The following DOC2A variants were observed in gnomAD, a reference collection of about 807,000 sequenced individuals.
DOC2A encodes the protein double C2-like domain-containing protein alpha.
In DOC2A, 28 loss-of-function variants were observed where a neutral mutation model predicts 40.6. The ratio of observed to expected loss-of-function variants is 0.69; its 90% CI spans 0.51 to 0.95. The LOEUF is 0.95. Ranked by LOEUF, DOC2A falls within the 40% of genes least tolerant of loss-of-function variation. The pLI is 0.00. For synonymous variants in DOC2A, 241 were observed against 236.9 expected, an observed-to-expected ratio of 1.02 and a Z score of -0.16; for missense variants, 474 against 552.5, an observed-to-expected ratio of 0.86 and a Z score of 1.42.
rs200195038 is a variant in DOC2A at position 30,006,869 on chromosome 16, C to T, written c.794G>A (p.Arg265His). The change falls in exon 8 of 11, where the codon CGC (arginine) becomes CAC (histidine). Residue 265 changes from arginine (R) to histidine (H), a missense_variant. Physicochemically the swap from Arg to His is conservative, Grantham distance 29. Coordinates refer to ENST00000350119, the MANE Select transcript of DOC2A (RefSeq NM_003586.3). The surrounding 1 kb of genome is among the most constrained non-coding windows in gnomAD (Gnocchi z 6.2). Reference protein sequence around the residue: ...ILLSLSYSSRRRGLLVGILRC... With the variant: ...ILLSLSYSSRHRGLLVGILRC... The stretch of plus-strand genomic sequence containing the variant: ...CAAGATGCCTACCAGCAGTCCCCGG[C>T]GCCGCGAGCTGTAGCTGAGACTCAG... 8.5e-5 allele frequency: 137 copies of T among 1,613,526 alleles called. No homozygotes were observed. Among genetic ancestry groups the T allele is most frequent in the African/African-American group, 7.7e-4 (58 of 75,028 alleles).
chr16:30,007,660 C>G (rs143534703), intron 5 of DOC2A: 7 of 380,676 alleles, frequency 1.8e-5, no homozygotes, highest in Non-Finnish European at 3.0e-5. Context: ...GGCAGCCAGA[C>G]CAGTACCCCA....
Position 30,009,930 on chromosome 16 carries a change from G to T in DOC2A, c.262+31C>A, listed in dbSNP as rs779805676. The T allele has an allele frequency of 6.9e-6, 11 of 1,605,348 alleles. No homozygotes were observed. The East Asian group carries it at 2.0e-4, about 29-fold the overall frequency. ...ACGGCAAGCCTGGAGACCCCCACCA[G>T]CACATGGGGCCTCCAAGCCCCCAGA... On this transcript the variant is annotated intron_variant, in intron 2 of 10. Coordinates refer to ENST00000350119, the MANE Select transcript of DOC2A (RefSeq NM_003586.3). This position sits in a 1 kb window ranked among gnomAD's most constrained non-coding sequence, Gnocchi z 4.1.
rs1197299367 is a variant in DOC2A at position 30,009,871 on chromosome 16, C to T, written c.262+90G>A. Reference sequence around the variant, plus strand: ...TGCCCTCCTCCCCTACCTACATGCACAGCCAGCAGGGCCCATCCCCCTCTC... The same window carrying T: ...TGCCCTCCTCCCCTACCTACATGCATAGCCAGCAGGGCCCATCCCCCTCTC... On this transcript the variant is annotated intron_variant, in intron 2 of 10. Coordinates refer to ENST00000350119, the MANE Select transcript of DOC2A (RefSeq NM_003586.3). This position sits in a 1 kb window ranked among gnomAD's most constrained non-coding sequence, Gnocchi z 4.1. The T allele has an allele frequency of 1.3e-6, 2 of 1,503,314 alleles. No homozygotes were observed. Among genetic ancestry groups the T allele is most frequent in the Non-Finnish European group, 9.2e-7 (1 of 1,089,762 alleles). The allele number at this position is 1,503,314 out of a possible 1,614,324, so 93.1% of individuals were successfully genotyped here.
At chr16:30,019,313 A>G (rs1596716308) in intron 1 of DOC2A, among the ~76,000 whole-genome samples, 1 of 152,256 alleles carries the variant, frequency 6.6e-6, no homozygotes, top group East Asian at 1.9e-4. Context: ...ATGAGACTCC[A>G]TCTCAGAAAA....
At position 30,006,391 on chromosome 16, in the gene DOC2A, C is replaced by T. The variant is rs749624024; in HGVS notation, c.1057+22G>A. The T allele has an allele frequency of 5.6e-6, 9 of 1,613,604 alleles. No individual in the cohort carries two copies. Among genetic ancestry groups the T allele is most frequent in the Non-Finnish European group, 7.6e-6 (9 of 1,179,936 alleles). ...CCTGCCACTTGCCCGCCCTCAACAC[C>T]CGCAGCCAGCTCCTCCCTCACCAAT... On this transcript the variant is annotated intron_variant, in intron 10 of 10. Transcript: ENST00000350119. The surrounding 1 kb of genome is among the most constrained non-coding windows in gnomAD (Gnocchi z 6.2).
Position 30,006,982 on chromosome 16 carries a change from C to T in DOC2A, c.715-34G>A. On this transcript the variant is annotated intron_variant, in intron 7 of 10. Coordinates refer to ENST00000350119, the MANE Select transcript of DOC2A (RefSeq NM_003586.3). This position sits in a 1 kb window ranked among gnomAD's most constrained non-coding sequence, Gnocchi z 6.2. ...CACAGACTCAGGGTCAGCCTGGGCC[C>T]CTGCAGCCTCCCACCCACATGCATC... 6.2e-7 allele frequency: 1 copy of T among 1,613,960 alleles called. No individual in the cohort carries two copies. The highest frequency in any genetic ancestry group is 8.5e-7 in the Non-Finnish European group (1 of 1,179,906).
chr16:30,016,378 G>C (rs1596714715), upstream of DOC2A, among the ~76,000 whole-genome samples: 1 of 152,144 alleles, frequency 6.6e-6, no homozygotes, highest in Non-Finnish European at 1.5e-5. Flanking sequence ...CAACCGTTAG[G>C]TTTCCTTCGT....
At position 30,005,531 on chromosome 16, in the gene DOC2A, T is replaced by C. The variant is rs553762569; in HGVS notation, c.*655A>G. On this transcript the variant is annotated 3_prime_UTR_variant, in exon 11 of 11. Transcript: ENST00000350119. Reference sequence around the variant, plus strand: ...AGTCCAGCTTCCTCGGAGGTGTTTATTGATGCCCAGCTGCCATGCTCCGGC... The same window carrying C: ...AGTCCAGCTTCCTCGGAGGTGTTTACTGATGCCCAGCTGCCATGCTCCGGC... 6.5e-6 allele frequency: 8 copies of C among 1,235,692 alleles called. No individual in the cohort carries two copies. Among genetic ancestry groups the C allele is most frequent in the African/African-American group, 3.0e-5 (2 of 66,064 alleles). 76.5% of individuals were successfully genotyped at this position (1,235,692 alleles called of 1,614,324 possible). A position where few individuals can be genotyped will look rare whatever the true frequency, so the allele number is the denominator to read the frequency against.
At position 30,006,951 on chromosome 16, in the gene DOC2A, GC is replaced by G; in HGVS notation, c.715-4del. On this transcript the variant is annotated splice_polypyrimidine_tract_variant and splice_region_variant and intron_variant, in intron 7 of 10. Coordinates refer to ENST00000350119, the MANE Select transcript of DOC2A (RefSeq NM_003586.3). This position sits in a 1 kb window ranked among gnomAD's most constrained non-coding sequence, Gnocchi z 6.2. ...TGCCCCTGCTCCGCCTGCTCCAACT[GC>G]GGGGCACAGACTCAGGGTCAGCCTG... The G allele has an allele frequency of 1.9e-6, 3 of 1,613,606 alleles. No homozygotes were observed. The highest frequency in any genetic ancestry group is 2.5e-6 in the Non-Finnish European group (3 of 1,179,750).
At chr16:30,008,926 C>T in intron 5 of DOC2A, 70 bp downstream of exon 5, 2 of 1,082,214 alleles carry the variant, frequency 1.8e-6, no homozygotes, top group Non-Finnish European at 2.9e-6. Flanking sequence ...GGACATAGAT[C>T]AACCAACCAG....
chr16:30,010,078 C>A lies in DOC2A; in HGVS notation c.145G>T (p.Gly49Cys), dbSNP rs371010624. 4 of 1,611,442 alleles carry A rather than the reference C, an allele frequency of 2.5e-6. No individual in the cohort carries two copies. Among genetic ancestry groups the A allele is most frequent in the South Asian group, 2.2e-5 (2 of 91,022 alleles). Reference sequence around the variant, plus strand: ...ACCAGATGGGCGGGGGCCTCCCCGCCGCCCCCGCCGCCCCCTTCAGGTCCT... The same window carrying A: ...ACCAGATGGGCGGGGGCCTCCCCGCAGCCCCCGCCGCCCCCTTCAGGTCCT... Reference protein sequence around the residue: ...GPGPEGGGGGGGEAPAHLVPL... With the variant: ...GPGPEGGGGGCGEAPAHLVPL... Residue 49 changes from glycine (G) to cysteine (C), a missense_variant, in exon 2 of 11, where the codon GGC becomes TGC. By Grantham distance (159) the Gly-to-Cys change is radical. Coordinates refer to ENST00000350119, the MANE Select transcript of DOC2A (RefSeq NM_003586.3). This position sits in a 1 kb window ranked among gnomAD's most constrained non-coding sequence, Gnocchi z 4.2.
Position 30,010,909 on chromosome 16 carries a change from C to T in DOC2A, c.-20G>A. The T allele has an allele frequency of 9.8e-7, 1 of 1,021,998 alleles. No individual in the cohort carries two copies. Among genetic ancestry groups the T allele is most frequent in the Non-Finnish European group, 1.2e-6 (1 of 851,412 alleles). 63.3% of individuals were successfully genotyped at this position (1,021,998 alleles called of 1,614,324 possible). On this transcript the variant is annotated 5_prime_UTR_variant, in exon 1 of 11. Coordinates refer to ENST00000350119, the MANE Select transcript of DOC2A (RefSeq NM_003586.3). This position sits in a 1 kb window ranked among gnomAD's most constrained non-coding sequence, Gnocchi z 4.2. ...CCCAGCCCCCTGCACCTGCCTCTGC[C>T]TCCAACAGGTGCCCAGGCACTGGGG...
chr16:30,006,945 C>T lies in DOC2A; in HGVS notation c.718G>A (p.Glu240Lys). Residue 240 changes from glutamate to lysine, a missense_variant, in exon 8 of 11, where the codon GAG becomes AAG. By Grantham distance (56) the Glu-to-Lys change is moderately conservative. Coordinates refer to ENST00000350119, the MANE Select transcript of DOC2A (RefSeq NM_003586.3). This position sits in a 1 kb window ranked among gnomAD's most constrained non-coding sequence, Gnocchi z 6.2. ...RGISCYLKELEQAEQGQGLLE... is the reference protein window; with the variant it reads ...RGISCYLKELKQAEQGQGLLE... ...AGCCCCTGCCCCTGCTCCGCCTGCTCCAACTGCGGGGCACAGACTCAGGGT... is the reference window on the plus strand; with the variant it reads ...AGCCCCTGCCCCTGCTCCGCCTGCTTCAACTGCGGGGCACAGACTCAGGGT... The T allele has an allele frequency of 1.9e-6, 3 of 1,613,526 alleles. No individual in the cohort carries two copies. Among genetic ancestry groups the T allele is most frequent in the Non-Finnish European group, 2.5e-6 (3 of 1,179,712 alleles).
upstream of DOC2A, chr16:30,013,318 T>G (rs1255364974): frequency 7.1e-6 from 1 of 140,730 alleles, no homozygotes; most frequent in Non-Finnish European, 1.5e-5. Flanking sequence ...CAGGCTGGAG[T>G]GCAGTGGCGT....
At chr16:30,011,184 G>T (rs2070771290), upstream of DOC2A, 3 of 631,846 alleles carry the variant, frequency 4.7e-6, no homozygotes, top group Non-Finnish European at 5.9e-6. Flanking sequence ...ACGTGTGCTC[G>T]CGCGCGCACA....
At chr16:30,019,698 G>A (rs572181123) in intron 1 of DOC2A, among the ~76,000 whole-genome samples, 1 of 152,316 alleles carries the variant, frequency 6.6e-6, no homozygotes, top group African/African-American at 2.4e-5. Flanking sequence ...GCAGTTGCCT[G>A]TGGGCCTGGG....
Position 30,005,927 on chromosome 16 carries a change from C to T in DOC2A, c.*259G>A, listed in dbSNP as rs1298991922. 1 of 561,136 alleles carries T rather than the reference C, an allele frequency of 1.8e-6. No individual in the cohort carries two copies. The highest frequency in any genetic ancestry group is 3.2e-6 in the Non-Finnish European group (1 of 317,142). 34.8% of individuals were successfully genotyped at this position (561,136 alleles called of 1,614,324 possible). On this transcript the variant is annotated 3_prime_UTR_variant, in exon 11 of 11. Coordinates refer to ENST00000350119, the MANE Select transcript of DOC2A (RefSeq NM_003586.3). Reference sequence around the variant, plus strand: ...AGGAGCGCGGGGGCCTGGGGCCGGGCTCTGAGCACTGCCCGGGTGTGCAGA... The same window carrying T: ...AGGAGCGCGGGGGCCTGGGGCCGGGTTCTGAGCACTGCCCGGGTGTGCAGA...
At chr16:30,019,492 A>G (rs2070889991) in intron 1 of DOC2A, among the ~76,000 whole-genome samples, 1 of 152,238 alleles carries the variant, frequency 6.6e-6, no homozygotes, top group Non-Finnish European at 1.5e-5. Context: ...AATGGAGTCC[A>G]GCCAGTGCGT....
upstream of DOC2A, chr16:30,012,420 T>A (rs1189514941): frequency 1.3e-5 from 2 of 152,070 alleles, no homozygotes; most frequent in African/African-American, 4.8e-5. Context: ...GAAGTCGGCA[T>A]CTCTAAGTGC....
Sources: gnomAD v4.1 joint callset for allele counts (sites outside exome capture counted in the v4.1 genomes callset) on GRCh38, gnomAD v4.1.1 for gene constraint, Gnocchi (gnomAD v3.1) non-coding constraint, MANE v1.5 for transcripts, NCBI Gene and HGNC (gene_info 2026-07-23, HGNC 2026-07-21) for gene names.